Variants in KCNIP4 observed in about 807,000 individuals in gnomAD.
KCNIP4 encodes potassium voltage-gated channel interacting protein 4, also known as Kv channel-interacting protein 4.
In KCNIP4, 12 loss-of-function variants were observed where a neutral mutation model predicts 34.0. The ratio of observed to expected loss-of-function variants is 0.35; its 90% CI spans 0.23 to 0.57. The LOEUF (loss-of-function observed/expected upper bound fraction) is 0.57, where lower values mean the gene tolerates loss of function less well. KCNIP4 is among the 20% of genes least tolerant of loss of function. The pLI, the probability that KCNIP4 is intolerant of heterozygous loss-of-function variation, is 0.83. For synonymous variants in KCNIP4, 124 were observed against 102.2 expected, an observed-to-expected ratio of 1.21 and a Z score of -1.29; for missense variants, 238 against 311.7, an observed-to-expected ratio of 0.76 and a Z score of 1.78.
intron 1 of KCNIP4, among the ~76,000 whole-genome samples, chr4:20,929,426 A>G (rs1464757053): frequency 6.6e-6 from 1 of 152,066 alleles, no homozygotes; most frequent in African/African-American, 2.4e-5. Context: ...CACAGCTAAC[A>G]TAATAATCAG....
At chr4:21,449,698 A>G (rs967558792) in intron 1 of KCNIP4, among the ~76,000 whole-genome samples, 4 of 151,796 alleles carry the variant, frequency 2.6e-5, no homozygotes, top group African/African-American at 9.7e-5. Context: ...TCACCATTGC[A>G]ATATAAACTC....
chr4:20,901,915 C>G (rs1261940823), intron 1 of KCNIP4, among the ~76,000 whole-genome samples: 1 of 151,908 alleles, frequency 6.6e-6, no homozygotes, highest in Non-Finnish European at 1.5e-5. Context: ...AAAACACAAC[C>G]TTTTAAAGTC....
intron 1 of KCNIP4, among the ~76,000 whole-genome samples, chr4:21,365,918 G>A (rs1200048647): frequency 6.6e-6 from 1 of 152,138 alleles, no homozygotes; most frequent in Non-Finnish European, 1.5e-5. Flanking sequence ...TATGCAGATT[G>A]TTCTGCTATT....
At chr4:20,747,299 T>C (rs1752595257) in intron 5 of KCNIP4, among the ~76,000 whole-genome samples, 1 of 152,196 alleles carries the variant, frequency 6.6e-6, no homozygotes, top group African/African-American at 2.4e-5. Flanking sequence ...ACTAATAGTT[T>C]TTGCCTTACT....
rs1478093079 is a variant in KCNIP4, at chr4:21,774,488, G to A, written c.61+174083C>T. ...CTGAATTTTCATGTTGGTCTGTCTT[G>A]CTAGGTTGGGGAAGTTCTCCTGGGT... On this transcript the variant is annotated intron_variant, in intron 1 of 8. Coordinates refer to ENST00000382152, the MANE Select transcript of KCNIP4 (RefSeq NM_025221.6). Among the ~76,000 whole-genome samples the A allele has an allele frequency of 1.3e-5, 2 of 152,096 alleles. 1 individual carries two copies. The highest frequency in any genetic ancestry group is 1.3e-4 in the Admixed American group (2 of 15,266).
chr4:21,104,619 T>G (rs965990085), intron 1 of KCNIP4, among the ~76,000 whole-genome samples: 1 of 152,138 alleles, frequency 6.6e-6, no homozygotes, highest in Admixed American at 6.5e-5. Context: ...TTTGTCAATT[T>G]TGGCTTTTGT....
chr4:20,833,413 A>C (rs1426220015), intron 3 of KCNIP4, among the ~76,000 whole-genome samples: 4 of 152,104 alleles, frequency 2.6e-5, no homozygotes, highest in Non-Finnish European at 5.9e-5. Context: ...TAAACCCGGG[A>C]GGCGGAGATT....
intron 1 of KCNIP4, among the ~76,000 whole-genome samples, chr4:21,515,934 T>C (rs1017776390): frequency 1.3e-5 from 2 of 152,038 alleles, no homozygotes; most frequent in Admixed American, 6.5e-5. Flanking sequence ...GTCTGTGGTA[T>C]TCTATTATAG....
intron 1 of KCNIP4, among the ~76,000 whole-genome samples, chr4:21,173,493 G>A (rs765979405): frequency 6.6e-6 from 1 of 152,156 alleles, no homozygotes; most frequent in African/African-American, 2.4e-5. Context: ...TCCGGGTGCG[G>A]TGATCACAAA....
chr4:20,779,137 A>G (rs1160935696), intron 3 of KCNIP4, among the ~76,000 whole-genome samples: 1 of 152,192 alleles, frequency 6.6e-6, no homozygotes, highest in Non-Finnish European at 1.5e-5. Context: ...AATACCAAAC[A>G]GGTGCCAGCT....
At chr4:20,766,590 A>G (rs1226208405) in intron 3 of KCNIP4, among the ~76,000 whole-genome samples, 1 of 152,110 alleles carries the variant, frequency 6.6e-6, no homozygotes, top group Non-Finnish European at 1.5e-5. Flanking sequence ...ACAAACAAAC[A>G]TAAAGCAACT....
At position 21,248,475 on chromosome 4, in the gene KCNIP4, C is replaced by T. The variant is rs141687886; in HGVS notation, c.62-365766G>A. 7.3e-4 allele frequency among the ~76,000 whole-genome samples: 111 copies of T among 152,234 alleles called. 1 individual carries two copies. The highest frequency in any genetic ancestry group is 2.7e-3 in the East Asian group (14 of 5,174). ...TTTCTCTGAATATTCAGTTGTTCAC[C>T]GCTGACTGACTAGACTTCCCAAAGC... is the stretch of plus-strand genomic sequence containing the variant. On this transcript the variant is annotated intron_variant, in intron 1 of 8. Coordinates refer to ENST00000382152, the MANE Select transcript of KCNIP4 (RefSeq NM_025221.6).
chr4:21,872,275 TGAGAAAC>T (rs1725864804), intron 1 of KCNIP4, among the ~76,000 whole-genome samples: 1 of 152,114 alleles, frequency 6.6e-6, no homozygotes, highest in Non-Finnish European at 1.5e-5. Context: ...ACAGGCCCCC[TGAGAAAC>T]GTGAACGCCT....
chr4:21,285,868 CA>C (rs1763090674), intron 1 of KCNIP4, among the ~76,000 whole-genome samples: 1 of 152,020 alleles, frequency 6.6e-6, no homozygotes, highest in African/African-American at 2.4e-5. Context: ...CATAAATAAA[CA>C]ACACAAAAGC....
intron 1 of KCNIP4, among the ~76,000 whole-genome samples, chr4:21,857,199 C>G (rs1400158413): frequency 6.6e-6 from 1 of 152,218 alleles, no homozygotes; most frequent in Non-Finnish European, 1.5e-5. Flanking sequence ...CACTTCCTCT[C>G]CTTTGAAGTC....
chr4:21,211,275 A>G (rs779159956), intron 1 of KCNIP4, among the ~76,000 whole-genome samples: 20 of 152,264 alleles, frequency 1.3e-4, no homozygotes, highest in Admixed American at 4.6e-4. Context: ...TTTTATCTAT[A>G]TGGAATAATT....
intron 1 of KCNIP4, among the ~76,000 whole-genome samples, chr4:21,187,626 C>T (rs531658690): frequency 6.6e-6 from 1 of 152,242 alleles, no homozygotes; most frequent in East Asian, 1.9e-4. Flanking sequence ...GAGCACATTG[C>T]CTGTAGGTCA....
chr4:21,592,351 T>C (rs1204508174), intron 1 of KCNIP4, among the ~76,000 whole-genome samples: 1 of 152,112 alleles, frequency 6.6e-6, no homozygotes, highest in African/African-American at 2.4e-5. Flanking sequence ...AAACAACATA[T>C]ATAAGATATC....
At chr4:21,186,636 C>G (rs909929516) in intron 1 of KCNIP4, among the ~76,000 whole-genome samples, 1 of 152,004 alleles carries the variant, frequency 6.6e-6, no homozygotes, top group African/African-American at 2.4e-5. Flanking sequence ...CTTTCTCAAC[C>G]CTTTTTAAGT....
Sources: gnomAD v4.1 joint callset for allele counts (sites outside exome capture counted in the v4.1 genomes callset) on GRCh38, gnomAD v4.1.1 for gene constraint, MANE v1.5 for transcripts, NCBI Gene and HGNC (gene_info 2026-07-23, HGNC 2026-07-21) for gene names.